Variants in ICE1 observed in about 807,000 individuals in gnomAD.
ICE1 encodes little elongation complex subunit 1.
In ICE1, 64 loss-of-function variants were observed where a neutral mutation model predicts 192.7. The observed-to-expected ratio is 0.33, with a 90% confidence interval of 0.27 to 0.41. The LOEUF (loss-of-function observed/expected upper bound fraction) is 0.41. Ranked by LOEUF, ICE1 falls within the 10% of genes least tolerant of loss-of-function variation. ICE1 has a pLI of 1.00. For synonymous variants in ICE1, 1,010 were observed against 984.5 expected, an observed-to-expected ratio of 1.03 and a Z score of -0.49; for missense variants, 2,708 against 2,696.0, an observed-to-expected ratio of 1.00 and a Z score of -0.10.
At chr5:5,466,125 C>T (rs751786510) in intron 13 of ICE1, among the ~76,000 whole-genome samples, 3 of 152,258 alleles carry the variant, frequency 2.0e-5, no homozygotes, top group South Asian at 4.2e-4. Flanking sequence ...AACAGACAGG[C>T]GTGGGGATTT....
chr5:5,462,647 G>A lies in ICE1; in HGVS notation c.3313G>A (p.Asp1105Asn). Residue 1105 changes from aspartate (D) to asparagine (N), a missense_variant, in exon 13 of 19, where the codon GAC (aspartate) becomes AAC (asparagine). Physicochemically the swap from Asp to Asn is conservative, Grantham distance 23. Around this residue, in one of 2 missense-constraint regions of ICE1, gnomAD observed 2,366 missense variants for 2,276.6 expected, o/e 1.04. Coordinates refer to ENST00000296564, the MANE Select transcript of ICE1 (RefSeq NM_015325.3). ...TTACACAGGCATTCGAGAGGGGGGA[G>A]ACGACACTGAGGTAGAGAGTGAGGC... is the stretch of plus-strand genomic sequence containing the variant. ...HCYTGIREGG[D>N]DTEVESEAFS... The A allele has an allele frequency of 6.2e-7, 1 of 1,614,006 alleles. No homozygotes were observed. The highest frequency in any genetic ancestry group is 8.5e-7 in the Non-Finnish European group (1 of 1,179,898).
chr5:5,473,604 C>T lies in ICE1; in HGVS notation c.6269C>T (p.Thr2090Ile). ...TTCATGGTTTCTAAGCTGCTTTTGACCATACAGTTATGTCCAAAAACAGAA... is the reference window on the plus strand; with the variant it reads ...TTCATGGTTTCTAAGCTGCTTTTGATCATACAGTTATGTCCAAAAACAGAA... ...VGFMVSKLLL[T>I]IQLCPKTEFQ... The change falls in exon 16 of 19, where the codon ACC (threonine) becomes ATC (isoleucine). Residue 2090 changes from threonine to isoleucine, a missense_variant. By Grantham distance (89) the Thr-to-Ile change is moderately conservative (BLOSUM62 -1). Coordinates refer to ENST00000296564, the MANE Select transcript of ICE1 (RefSeq NM_015325.3). 1.2e-6 allele frequency: 2 copies of T among 1,613,180 alleles called. No homozygotes were observed. The highest frequency in any genetic ancestry group is 2.2e-5 in the East Asian group (1 of 44,848).
intron 1 of ICE1, among the ~76,000 whole-genome samples, chr5:5,430,377 T>C (rs1413873770): frequency 7.2e-5 from 11 of 152,254 alleles, no homozygotes; most frequent in African/African-American, 1.9e-4. Context: ...TGAGCTGATA[T>C]GCAGCAGGGC....
chr5:5,453,447 C>T (rs1221473786), intron 10 of ICE1, among the ~76,000 whole-genome samples: 1 of 152,108 alleles, frequency 6.6e-6, no homozygotes, highest in Non-Finnish European at 1.5e-5. Context: ...TAATCTCTTA[C>T]AAAATCTGTG....
chr5:5,474,521 G>T (rs1289516934), intron 16 of ICE1, among the ~76,000 whole-genome samples: 1 of 152,190 alleles, frequency 6.6e-6, no homozygotes, highest in Non-Finnish European at 1.5e-5. Flanking sequence ...TAAATTAGCA[G>T]CTTCTGTCAC....
chr5:5,453,934 A>G (rs993712639), intron 10 of ICE1, among the ~76,000 whole-genome samples: 9 of 152,182 alleles, frequency 5.9e-5, no homozygotes, highest in Non-Finnish European at 1.2e-4. Flanking sequence ...TTATAAAAGT[A>G]TGTGCTTCTC....
intron 11 of ICE1, 94 bp from the exon 12 acceptor site, chr5:5,457,238 G>C (rs1738612428): frequency 5.0e-6 from 6 of 1,210,786 alleles, no homozygotes; most frequent in Non-Finnish European, 6.7e-6. Context: ...CAAGCATTTT[G>C]AACTGTTGTA....
At chr5:5,425,704 A>G (rs1448469164) in intron 1 of ICE1, among the ~76,000 whole-genome samples, 2 of 152,180 alleles carry the variant, frequency 1.3e-5, no homozygotes, top group Admixed American at 6.5e-5. Flanking sequence ...GGGATGGTGA[A>G]GGTTTTTGCA....
rs372180514 is a variant in ICE1, at chr5:5,458,935, C to T, written c.1101+1194C>T. ...TTGCCCAGACTGGAGCACAGTGGCG[C>T]GATCTCGGCTCACTGCAAGCTCCAC... is the stretch of plus-strand genomic sequence containing the variant. On this transcript the variant is annotated intron_variant, in intron 12 of 18. Transcript: ENST00000296564. 3.1e-4 allele frequency among the ~76,000 whole-genome samples: 47 copies of T among 152,132 alleles called. 2 individuals carry two copies. Among genetic ancestry groups the T allele is most frequent in the African/African-American group, 1.1e-3 (46 of 41,488 alleles).
chr5:5,481,122 A>G (rs1739492517), intron 17 of ICE1, among the ~76,000 whole-genome samples: 1 of 152,168 alleles, frequency 6.6e-6, no homozygotes, highest in African/African-American at 2.4e-5. Flanking sequence ...TGAATTCAGG[A>G]AAAAATGCTC....
chr5:5,448,523 T>C (rs1022631971), intron 10 of ICE1, among the ~76,000 whole-genome samples: 1 of 152,236 alleles, frequency 6.6e-6, no homozygotes, highest in South Asian at 2.1e-4. Flanking sequence ...TTTACTTTCC[T>C]TTTTTTGTAT....
At chr5:5,458,991 G>A (rs879437164) in intron 12 of ICE1, among the ~76,000 whole-genome samples, 32 of 152,194 alleles carry the variant, frequency 2.1e-4, no homozygotes, top group Non-Finnish European at 4.3e-4. Flanking sequence ...TCCTGCTTCA[G>A]CCTCCTGAGT....
At chr5:5,449,536 A>G (rs1204814548) in intron 10 of ICE1, among the ~76,000 whole-genome samples, 1 of 152,136 alleles carries the variant, frequency 6.6e-6, no homozygotes, top group Non-Finnish European at 1.5e-5. Context: ...AATGAGGAAG[A>G]TGCACAGCAG....
intron 16 of ICE1, 115 bp downstream of exon 16, chr5:5,473,863 T>C: frequency 1.5e-6 from 1 of 677,684 alleles, no homozygotes; most frequent in Non-Finnish European, 2.3e-6. Context: ...AGATGAAACA[T>C]TTACAAATTA....
rs1478899076 is a variant in ICE1, at chr5:5,463,443, C to T, written c.4109C>T (p.Ser1370Leu). 2 of 1,612,874 alleles carry T rather than the reference C, an allele frequency of 1.2e-6. No individual in the cohort carries two copies. Among genetic ancestry groups the T allele is most frequent in the African/African-American group, 2.7e-5 (2 of 74,894 alleles). ...EEDLPEPVEP[S>L]ALCSDSVMEP... ...GACCTGCCAGAACCTGTGGAGCCAT[C>T]AGCCTTGTGCTCTGACTCTGTGATG... Residue 1370 changes from serine (S) to leucine (L), a missense_variant, in exon 13 of 19, where the codon TCA becomes TTA. Transcript: ENST00000296564.
Position 5,463,640 on chromosome 5 carries a change from G to A in ICE1, c.4306G>A (p.Val1436Met). ...IISGVAVLPH[V>M]DQVTLCDIPG... is the part of the protein sequence containing the mutation. ...CAGTGGTGTAGCTGTCTTGCCACAT[G>A]TGGACCAGGTCACACTGTGTGACAT... Residue 1436 changes from valine to methionine, a missense_variant, in exon 13 of 19, where the codon GTG (valine) becomes ATG (methionine). Physicochemically the swap from Val to Met is conservative, Grantham distance 21. Around this residue, in one of 2 missense-constraint regions of ICE1, gnomAD observed 2,366 missense variants for 2,276.6 expected, o/e 1.04. Transcript: ENST00000296564. 1.2e-6 allele frequency: 2 copies of A among 1,614,006 alleles called. No homozygotes were observed. Among genetic ancestry groups the A allele is most frequent in the Non-Finnish European group, 1.7e-6 (2 of 1,179,878 alleles).
Position 5,464,515 on chromosome 5 carries a change from G to C in ICE1, c.5181G>C (p.Val1727=), listed in dbSNP as rs535214368. 4 of 1,613,928 alleles carry C rather than the reference G, an allele frequency of 2.5e-6. No homozygotes were observed. The South Asian group carries it at 3.3e-5, about 13-fold the overall frequency. ...CCACGCCGAAGCACGCACTTCCTGTGCCTGGCCGACTCCCACCCTGTGCAT... is the reference window on the plus strand; with the variant it reads ...CCACGCCGAAGCACGCACTTCCTGTCCCTGGCCGACTCCCACCCTGTGCAT... The part of the protein sequence containing the change: ...CAATPKHALP[V]PGRLPPCASG... Residue 1727 remains valine, a synonymous_variant, in exon 13 of 19, where the codon GTG becomes GTC. Transcript: ENST00000296564. This position sits in a 1 kb window ranked among gnomAD's most constrained non-coding sequence, Gnocchi z 4.0.
At chr5:5,488,700 CTTA>C (rs1048410988) in intron 18 of ICE1, among the ~76,000 whole-genome samples, 10 of 152,090 alleles carry the variant, frequency 6.6e-5, no homozygotes, top group African/African-American at 2.2e-4. Flanking sequence ...CATTATATCT[CTTA>C]TTATGTTTTC....
chr5:5,463,526 A>G lies in ICE1; in HGVS notation c.4192A>G (p.Ile1398Val), dbSNP rs761782394. 6.2e-7 allele frequency: 1 copy of G among 1,613,824 alleles called. No homozygotes were observed. Among genetic ancestry groups the G allele is most frequent in the Non-Finnish European group, 8.5e-7 (1 of 1,179,780 alleles). Reference sequence around the variant, plus strand: ...GGCCGAAACAACATTTCAGTGTCAGATAGCAACAGTGACCTCAGAAGTTAT... The same window carrying G: ...GGCCGAAACAACATTTCAGTGTCAGGTAGCAACAGTGACCTCAGAAGTTAT... Reference protein sequence around the residue: ...CEAETTFQCQIATVTSEVINV... With the variant: ...CEAETTFQCQVATVTSEVINV... The change falls in exon 13 of 19, where the codon ATA becomes GTA. Residue 1398 changes from isoleucine to valine, a missense_variant. By Grantham distance (29) the Ile-to-Val change is conservative. This residue lies in a region of ICE1 where 2,366 missense variants were observed against 2,276.6 expected (regional missense o/e 1.04). Coordinates refer to ENST00000296564, the MANE Select transcript of ICE1 (RefSeq NM_015325.3).
Sources: allele counts gnomAD v4.1 joint callset (sites outside exome capture counted in the v4.1 genomes callset), GRCh38; gene constraint gnomAD v4.1.1; regional missense constraint gnomAD v4.1.1; non-coding constraint Gnocchi (gnomAD v3.1); transcripts MANE v1.5; gene names NCBI Gene and HGNC (gene_info 2026-07-23, HGNC 2026-07-21).